The following PEMT variants were observed in gnomAD, a reference collection of about 807,000 sequenced individuals.
PEMT encodes phospholipid methyltransferase.
A neutral mutation model predicts 27.4 loss-of-function variants in PEMT; 23 were observed. The observed-to-expected ratio is 0.84, with a 90% CI of 0.60 to 1.19. The LOEUF (loss-of-function observed/expected upper bound fraction) is 1.19. PEMT is among the 50% of genes most tolerant of loss of function. PEMT has a pLI of 0.00. For missense variants in PEMT, 307 were observed against 310.1 expected, an observed-to-expected ratio of 0.99 and a Z score of 0.07; for synonymous variants, 137 against 139.1, an observed-to-expected ratio of 0.98 and a Z score of 0.11.
At chr17:17,563,450 A>G (rs929854265) in intron 2 of PEMT, among the ~76,000 whole-genome samples, 3 of 152,080 alleles carry the variant, frequency 2.0e-5, no homozygotes, top group African/African-American at 7.2e-5. Context: ...CGGAAATGCG[A>G]AGGGGGAAGC....
intron 1 of PEMT, among the ~76,000 whole-genome samples, chr17:17,586,288 GAAAAAAAA>G (rs113887195): frequency 8.3e-5 from 6 of 72,062 alleles, no homozygotes; most frequent in African/African-American, 2.9e-4. Context: ...AAGAAAGAAA[GAAAAAAAA>G]AAACGCAGGT....
chr17:17,577,577 G>T, intron 1 of PEMT: 3 of 928,746 alleles, frequency 3.2e-6, no homozygotes, highest in Non-Finnish European at 3.9e-6. Context: ...CGGGGGGCAC[G>T]TGGACACTGC....
chr17:17,554,053 C>G (rs959918914), intron 2 of PEMT, among the ~76,000 whole-genome samples: 1 of 152,254 alleles, frequency 6.6e-6, no homozygotes, highest in African/African-American at 2.4e-5. Flanking sequence ...TGAGCAGGAA[C>G]TGGCTGTGAA....
chr17:17,518,478 C>A (rs909031552), intron 3 of PEMT, among the ~76,000 whole-genome samples: 1 of 152,230 alleles, frequency 6.6e-6, no homozygotes, highest in African/African-American at 2.4e-5. Flanking sequence ...GTGCTAATGG[C>A]CCCTTCGGGA....
intron 2 of PEMT, among the ~76,000 whole-genome samples, chr17:17,538,257 C>A (rs1437799378): frequency 6.6e-6 from 1 of 152,214 alleles, no homozygotes; most frequent in Non-Finnish European, 1.5e-5. Flanking sequence ...AAGACGATGG[C>A]CACCAGCGGC....
chr17:17,568,951 C>A (rs528889108), intron 2 of PEMT, among the ~76,000 whole-genome samples: 10 of 152,272 alleles, frequency 6.6e-5, no homozygotes, highest in African/African-American at 2.2e-4. Flanking sequence ...GCCAGCAGGT[C>A]AAACATCCAG....
chr17:17,532,642 G>A (rs1165756343), intron 2 of PEMT, among the ~76,000 whole-genome samples: 1 of 152,158 alleles, frequency 6.6e-6, no homozygotes, highest in Admixed American at 6.5e-5. Flanking sequence ...TGGCTTCTTT[G>A]TAAAACTGAC....
At chr17:17,520,625 G>A (rs1309587233) in intron 3 of PEMT, among the ~76,000 whole-genome samples, 1 of 152,222 alleles carries the variant, frequency 6.6e-6, no homozygotes, top group Non-Finnish European at 1.5e-5. Flanking sequence ...GGTGCCATGG[G>A]CCAAACCCCT....
At chr17:17,517,068 C>T (rs994431874) in intron 3 of PEMT, among the ~76,000 whole-genome samples, 1 of 152,196 alleles carries the variant, frequency 6.6e-6, no homozygotes, top group South Asian at 2.1e-4. Flanking sequence ...TGCTGTGCTG[C>T]GGGGAGGCCA....
intron 3 of PEMT, among the ~76,000 whole-genome samples, chr17:17,514,016 A>G (rs1906612343): frequency 6.6e-6 from 1 of 151,960 alleles, no homozygotes; most frequent in Admixed American, 6.5e-5. Context: ...TCTATCCTCT[A>G]TGCACCCACA....
Position 17,549,498 on chromosome 17 carries a change from G to T in PEMT, c.205-27103C>A, listed in dbSNP as rs139708426. ...TTTTATATTTTTTTGTAGAGATGGGGTCTTGCTATGTTGCCCAGGCTGCTT... is the reference window on the plus strand; with the variant it reads ...TTTTATATTTTTTTGTAGAGATGGGTTCTTGCTATGTTGCCCAGGCTGCTT... On this transcript the variant is annotated intron_variant, in intron 2 of 6. Coordinates refer to ENST00000255389, the MANE Select transcript of PEMT (RefSeq NM_148172.3). Among the ~76,000 whole-genome samples the T allele has an allele frequency of 6.8e-3, 1,038 of 152,244 alleles. 10 individuals are homozygous for T. The highest frequency in any genetic ancestry group is 7.4e-3 in the Non-Finnish European group (501 of 68,018).
intron 2 of PEMT, among the ~76,000 whole-genome samples, chr17:17,555,194 T>C (rs1209967311): frequency 3.9e-5 from 6 of 152,016 alleles, no homozygotes; most frequent in Non-Finnish European, 2.9e-5. Context: ...GTCACCCAGC[T>C]GGGAAGCCAT....
intron 2 of PEMT, among the ~76,000 whole-genome samples, chr17:17,570,082 C>T (rs1445044996): frequency 6.6e-6 from 1 of 152,236 alleles, no homozygotes; most frequent in Non-Finnish European, 1.5e-5. Context: ...GGGCAATCCA[C>T]GCTCACAAAG....
chr17:17,584,410 C>T (rs910583562), intron 1 of PEMT, among the ~76,000 whole-genome samples: 4 of 152,194 alleles, frequency 2.6e-5, no homozygotes, highest in Non-Finnish European at 4.4e-5. Context: ...CCGCCTGCCT[C>T]GGCCTCCCAA....
intron 1 of PEMT, among the ~76,000 whole-genome samples, chr17:17,580,216 T>A (rs1911893813): frequency 6.6e-6 from 1 of 152,026 alleles, no homozygotes; most frequent in Non-Finnish European, 1.5e-5. Flanking sequence ...CTAGGCATGG[T>A]GGCCTGTAAT....
intron 1 of PEMT, 111 bp from the exon 2 acceptor site, chr17:17,577,138 A>G (rs932202675): frequency 3.7e-5 from 29 of 776,664 alleles, no homozygotes; most frequent in Non-Finnish European, 5.9e-5. Context: ...GCCTGGGAAC[A>G]TCCAAGTCCG....
At chr17:17,522,444 C>A (rs1435047354) in intron 2 of PEMT, 49 bp from the exon 3 acceptor site, 11 of 1,091,368 alleles carry the variant, frequency 1.0e-5, no homozygotes, top group Admixed American at 5.7e-5. Flanking sequence ...GGGGAGACTC[C>A]AGGGTGGGGG....
intron 2 of PEMT, among the ~76,000 whole-genome samples, chr17:17,566,162 G>A (rs151147104): frequency 6.6e-6 from 1 of 152,328 alleles, no homozygotes; most frequent in East Asian, 1.9e-4. Context: ...CCAGGAATGG[G>A]GTAAAGCAAA....
chr17:17,509,433 C>T lies in PEMT; in HGVS notation c.578+1G>A. The T allele has an allele frequency of 6.2e-7, 1 of 1,603,864 alleles. No homozygotes were observed. The highest frequency in any genetic ancestry group is 8.5e-7 in the Non-Finnish European group (1 of 1,171,340). On this transcript the variant is annotated splice_donor_variant, in intron 5 of 6. Coordinates refer to ENST00000255389, the MANE Select transcript of PEMT (RefSeq NM_148172.3). LOFTEE classifies it high-confidence loss of function. ...AGAGGGGTGGCAAGCCTGGTACTCACATGATGGCCCAGCCCAGGTAGTTGG... is the reference window on the plus strand; with the variant it reads ...AGAGGGGTGGCAAGCCTGGTACTCATATGATGGCCCAGCCCAGGTAGTTGG...
Sources: allele counts gnomAD v4.1 joint callset (sites outside exome capture counted in the v4.1 genomes callset), GRCh38; gene constraint gnomAD v4.1.1; transcripts MANE v1.5; gene names NCBI Gene and HGNC (gene_info 2026-07-23, HGNC 2026-07-21).